The following RTF1 variants were observed in gnomAD, a reference collection of about 807,000 sequenced individuals.
RTF1 encodes the protein RTF1 homolog, Paf1/RNA polymerase II complex component.
Under a neutral mutation model 95.7 loss-of-function variants are expected in RTF1, and 10 were observed. The ratio of observed to expected loss-of-function variants is 0.10; its 90% CI spans 0.06 to 0.18. The LOEUF (loss-of-function observed/expected upper bound fraction) is 0.18. Among genes scored for constraint, RTF1 ranks in the 10% least tolerant of loss-of-function variants. RTF1 has a pLI of 1.00. For synonymous variants in RTF1, 305 were observed against 311.8 expected (o/e 0.98, Z 0.23); for missense variants, 458 against 875.6 (o/e 0.52, Z 6.02).
At chr15:41,464,415 AT>A (rs2050869842) in intron 4 of RTF1, among the ~76,000 whole-genome samples, 1 of 150,912 alleles carries the variant, frequency 6.6e-6, no homozygotes, top group African/African-American at 2.4e-5. Context: ...TGCCCAGCTA[AT>A]TTTTGTATTT....
intron 1 of RTF1, among the ~76,000 whole-genome samples, chr15:41,426,916 A>G (rs2050636584): frequency 6.8e-6 from 1 of 147,368 alleles, no homozygotes; most frequent in Admixed American, 6.9e-5. Flanking sequence ...ATCTCGGCTC[A>G]CTGCAACCTC....
intron 1 of RTF1, among the ~76,000 whole-genome samples, chr15:41,433,852 T>C (rs1330422547): frequency 6.6e-6 from 1 of 151,038 alleles, no homozygotes; most frequent in Non-Finnish European, 1.5e-5. Context: ...ACTTTTTTTT[T>C]TTTTTTTTTT....
At chr15:41,434,185 T>C (rs1383430277) in intron 1 of RTF1, among the ~76,000 whole-genome samples, 3 of 149,948 alleles carry the variant, frequency 2.0e-5, no homozygotes, top group Non-Finnish European at 4.4e-5. Context: ...GGTCATGCTA[T>C]GTTGCCAAGC....
intron 7 of RTF1, among the ~76,000 whole-genome samples, chr15:41,470,652 T>A (rs972169139): frequency 7.2e-5 from 5 of 69,352 alleles, no homozygotes; most frequent in Middle Eastern, 5.8e-3. Flanking sequence ...TTCATTTTCT[T>A]TTTTTTTTTT....
intron 4 of RTF1, among the ~76,000 whole-genome samples, chr15:41,462,168 G>A (rs922377960): frequency 6.6e-6 from 1 of 152,076 alleles, no homozygotes; most frequent in Non-Finnish European, 1.5e-5. Flanking sequence ...TTTAGCTTCA[G>A]GGCAGTGCAA....
At chr15:41,443,067 G>C (rs2050743716) in intron 2 of RTF1, among the ~76,000 whole-genome samples, 1 of 152,170 alleles carries the variant, frequency 6.6e-6, no homozygotes, top group African/African-American at 2.4e-5. Context: ...TGCTAGGACA[G>C]AAAATTGGTC....
chr15:41,479,902 A>C (rs2050962039), intron 16 of RTF1, among the ~76,000 whole-genome samples: 1 of 151,762 alleles, frequency 6.6e-6, no homozygotes, highest in South Asian at 2.1e-4. Flanking sequence ...GTCCAAGTTA[A>C]GTCTTTTCCT....
At chr15:41,431,246 C>G (rs1331146955) in intron 1 of RTF1, among the ~76,000 whole-genome samples, 2 of 140,738 alleles carry the variant, frequency 1.4e-5, no homozygotes, top group Non-Finnish European at 3.1e-5. Flanking sequence ...AGGAGTTTTG[C>G]TCTTGTTGCC....
At chr15:41,451,478 T>A (rs1306442266) in intron 2 of RTF1, among the ~76,000 whole-genome samples, 1 of 152,222 alleles carries the variant, frequency 6.6e-6, no homozygotes, top group Non-Finnish European at 1.5e-5. Flanking sequence ...GGTAGTTAAC[T>A]GTATTGCCTG....
intron 2 of RTF1, among the ~76,000 whole-genome samples, chr15:41,446,208 A>G (rs1376451288): frequency 4.6e-5 from 7 of 152,092 alleles, no homozygotes; most frequent in Non-Finnish European, 4.4e-5. Flanking sequence ...GGAAACCTAC[A>G]ATGTTACAGG....
Position 41,480,887 on chromosome 15 carries a change from C to G in RTF1, c.*200C>G. 1 of 579,544 alleles carries G rather than the reference C, an allele frequency of 1.7e-6. No individual in the cohort carries two copies. The highest frequency in any genetic ancestry group is 3.1e-6 in the Non-Finnish European group (1 of 323,712). 35.9% of individuals were successfully genotyped at this position (579,544 alleles called of 1,614,324 possible). ...ACACCATCTCCCACCAGCCTCCCCT[C>G]CCCCAGGGCCCCACCCAGTGTGGGC... On this transcript the variant is annotated 3_prime_UTR_variant, in exon 18 of 18. Transcript: ENST00000389629.
In RTF1 at chr15:41,452,940, G is replaced by A; in HGVS notation, c.349G>A (p.Ala117Thr). 1 of 1,611,636 alleles carries A rather than the reference G, an allele frequency of 6.2e-7. No individual in the cohort carries two copies. Among genetic ancestry groups the A allele is most frequent in the South Asian group, 1.1e-5 (1 of 90,690 alleles). ...CAATAAAAATAAGAAGAAAGGAAAAGCCAGAAAAATAGAGAAGAAAGGAAC... is the reference window on the plus strand; with the variant it reads ...CAATAAAAATAAGAAGAAAGGAAAAACCAGAAAAATAGAGAAGAAAGGAAC... The part of the protein sequence containing the change: ...GSNKNKKKGK[A>T]RKIEKKGTMK... The change falls in exon 3 of 18, where the codon GCC (alanine) becomes ACC (threonine). Residue 117 changes from alanine (A) to threonine (T), a missense_variant. Coordinates refer to ENST00000389629, the MANE Select transcript of RTF1 (RefSeq NM_015138.5).
intron 1 of RTF1, among the ~76,000 whole-genome samples, chr15:41,425,837 G>A (rs2050626303): frequency 6.6e-6 from 1 of 152,176 alleles, no homozygotes; most frequent in South Asian, 2.1e-4. Context: ...ATGAGAAGAG[G>A]AGTATTTAGG....
intron 3 of RTF1, among the ~76,000 whole-genome samples, chr15:41,456,724 A>G (rs1021987174): frequency 6.6e-6 from 1 of 151,816 alleles, no homozygotes; most frequent in Non-Finnish European, 1.5e-5. Flanking sequence ...GGGGAGGTGG[A>G]GATGGCAGTG....
At position 41,430,297 on chromosome 15, in the gene RTF1, G is replaced by A. The variant is rs190175844; in HGVS notation, c.199-8024G>A. On this transcript the variant is annotated intron_variant, in intron 1 of 17. Coordinates refer to ENST00000389629, the MANE Select transcript of RTF1 (RefSeq NM_015138.5). ...CAACCTCCACCTCCCGGGTTCAAGCGATTCTCCAGCCTCAGCCTCCCAAAT... is the reference window on the plus strand; with the variant it reads ...CAACCTCCACCTCCCGGGTTCAAGCAATTCTCCAGCCTCAGCCTCCCAAAT... Among the ~76,000 whole-genome samples, 438 of 150,840 alleles carry A rather than the reference G, an allele frequency of 2.9e-3. 14 individuals carry two copies. The East Asian group carries it at 0.083, about 29-fold the overall frequency.
chr15:41,467,702 G>A (rs1168815719), intron 6 of RTF1, among the ~76,000 whole-genome samples: 3 of 151,702 alleles, frequency 2.0e-5, no homozygotes, highest in East Asian at 1.9e-4. Flanking sequence ...ACAACAGAGT[G>A]AGACTCAATC....
rs1415706643 is a variant in RTF1, at chr15:41,482,866, G to A, written c.*2179G>A. ...AAAAAACATAAAATTATAGAATCCAGATAATTCGCTGGAGTCATTCTGATC... is the reference window on the plus strand; with the variant it reads ...AAAAAACATAAAATTATAGAATCCAAATAATTCGCTGGAGTCATTCTGATC... On this transcript the variant is annotated 3_prime_UTR_variant, in exon 18 of 18. Transcript: ENST00000389629. 1 of 149,784 alleles carries A rather than the reference G, an allele frequency of 6.7e-6. No individual in the cohort carries two copies. Among genetic ancestry groups the A allele is most frequent in the Non-Finnish European group, 1.5e-5 (1 of 67,000 alleles). 9.3% of individuals were successfully genotyped at this position (149,784 alleles called of 1,614,324 possible). A position where few individuals can be genotyped will look rare whatever the true frequency, so the allele number is the denominator to read the frequency against.
chr15:41,447,218 T>C (rs898122741), intron 2 of RTF1, among the ~76,000 whole-genome samples: 1 of 152,214 alleles, frequency 6.6e-6, no homozygotes, highest in Non-Finnish European at 1.5e-5. Flanking sequence ...CCTAGGAATA[T>C]GGGTATTCCT....
rs902160855 is a variant in RTF1, at chr15:41,482,054, T to C, written c.*1367T>C. The C allele has an allele frequency of 2.0e-5, 3 of 152,302 alleles. No individual in the cohort carries two copies. Among genetic ancestry groups the C allele is most frequent in the African/African-American group, 7.2e-5 (3 of 41,462 alleles). The allele number at this position is 152,302 out of a possible 1,614,324, so 9.4% of individuals were successfully genotyped here. On this transcript the variant is annotated 3_prime_UTR_variant, in exon 18 of 18. Transcript: ENST00000389629. ...AAGATCGTGCCACTGCACTCCAGTC[T>C]GGGTGACAGAGTGAGACTCCGCCTC...
Sources: gnomAD v4.1 joint callset for allele counts (sites outside exome capture counted in the v4.1 genomes callset) on GRCh38, gnomAD v4.1.1 for gene constraint, MANE v1.5 for transcripts, NCBI Gene and HGNC (gene_info 2026-07-23, HGNC 2026-07-21) for gene names.